Variants in SGMS1 observed in about 807,000 individuals in gnomAD.
The protein encoded by SGMS1 is phosphatidylcholine:ceramide cholinephosphotransferase 1.
Under a neutral mutation model 46.2 loss-of-function variants are expected in SGMS1, and 13 were observed. The ratio of observed to expected loss-of-function variants is 0.28; its 90% CI spans 0.18 to 0.45. The LOEUF (loss-of-function observed/expected upper bound fraction) is 0.45, where lower values mean the gene tolerates loss of function less well. Ranked by LOEUF, SGMS1 falls within the 20% of genes least tolerant of loss-of-function variation. SGMS1 has a pLI of 1.00. For synonymous variants in SGMS1, 203 were observed against 187.8 expected (o/e 1.08, Z -0.66); for missense variants, 324 against 519.9 (o/e 0.62, Z 3.66).
chr10:50,624,925 G>A (rs1042512737), upstream of SGMS1: 2 of 1,014,208 alleles, frequency 2.0e-6, no homozygotes, highest in Non-Finnish European at 1.2e-6. Flanking sequence ...CGTACCACGT[G>A]ACTGTCCGCG....
chr10:50,587,631 ATATGTGTGTGTG>A (rs980337894), intron 2 of SGMS1, among the ~76,000 whole-genome samples: 10 of 118,726 alleles, frequency 8.4e-5, no homozygotes, highest in South Asian at 5.9e-4. Context: ...CTCAAAATAT[ATATGTGTGTGTG>A]TGTGTGTGTG....
chr10:50,436,112 CT>C (rs904464496), intron 5 of SGMS1, among the ~76,000 whole-genome samples: 7 of 149,972 alleles, frequency 4.7e-5, no homozygotes, highest in East Asian at 1.9e-4. Flanking sequence ...CAACAACCAA[CT>C]TTTTTTTTTG....
At chr10:50,377,505 A>T (rs763055150) in intron 6 of SGMS1, among the ~76,000 whole-genome samples, 1 of 152,214 alleles carries the variant, frequency 6.6e-6, no homozygotes, top group Non-Finnish European at 1.5e-5. Context: ...TGTTTTCATC[A>T]TGTCTTCTAA....
chr10:50,481,025 A>C (rs970140134), intron 3 of SGMS1, among the ~76,000 whole-genome samples: 13 of 152,218 alleles, frequency 8.5e-5, no homozygotes, highest in African/African-American at 2.9e-4. Context: ...CCTGGGAAGG[A>C]GCCCCCATGG....
intron 3 of SGMS1, among the ~76,000 whole-genome samples, chr10:50,502,111 G>A (rs762659972): frequency 2.0e-5 from 3 of 151,996 alleles, no homozygotes; most frequent in Non-Finnish European, 2.9e-5. Flanking sequence ...GGAACTGAGT[G>A]CCCAGGCCCC....
chr10:50,462,585 A>C (rs1488500843), intron 4 of SGMS1, among the ~76,000 whole-genome samples: 1 of 152,256 alleles, frequency 6.6e-6, no homozygotes, highest in Non-Finnish European at 1.5e-5. Context: ...GTTGGATGTC[A>C]CAATAGGAAA....
intron 6 of SGMS1, among the ~76,000 whole-genome samples, chr10:50,365,783 T>C (rs571458398): frequency 8.5e-5 from 13 of 152,374 alleles, no homozygotes; most frequent in South Asian, 2.1e-4. Flanking sequence ...TATGGCTGCA[T>C]AGTATTCCAT....
At chr10:50,327,440 C>A in intron 7 of SGMS1, 118 bp from the exon 8 acceptor site, 1 of 676,634 alleles carries the variant, frequency 1.5e-6, no homozygotes, top group Non-Finnish European at 2.6e-6. Context: ...GAACTTGAAA[C>A]CAGAATGTTG....
chr10:50,307,963 C>A lies in SGMS1; in HGVS notation c.1062+19G>T. 1 of 1,612,756 alleles carries A rather than the reference C, an allele frequency of 6.2e-7. No individual in the cohort carries two copies. Among genetic ancestry groups the A allele is most frequent in the South Asian group, 1.1e-5 (1 of 90,816 alleles). On this transcript the variant is annotated intron_variant, in intron 10 of 10. Coordinates refer to ENST00000361781, the MANE Select transcript of SGMS1 (RefSeq NM_147156.4). The surrounding 1 kb of genome is among the most constrained non-coding windows in gnomAD (Gnocchi z 4.2). ...AGCCAGAAACAACAGAAGCTAAAAT[C>A]AAAAGCGGGGAAACTCACTTGCTGA...
At chr10:50,522,662 T>C (rs1051459731) in intron 2 of SGMS1, among the ~76,000 whole-genome samples, 7 of 152,174 alleles carry the variant, frequency 4.6e-5, no homozygotes, top group African/African-American at 1.7e-4. Flanking sequence ...ATTTCACTTA[T>C]GTCCTTAGTC....
chr10:50,365,190 T>C (rs989995425), intron 6 of SGMS1, among the ~76,000 whole-genome samples: 1 of 144,224 alleles, frequency 6.9e-6, no homozygotes, highest in Non-Finnish European at 1.5e-5. Flanking sequence ...GAGGTGGAGA[T>C]TGCAGTGAGC....
At chr10:50,384,583 G>T (rs949883521) in intron 6 of SGMS1, among the ~76,000 whole-genome samples, 3 of 151,860 alleles carry the variant, frequency 2.0e-5, no homozygotes, top group Non-Finnish European at 2.9e-5. Flanking sequence ...GAGTGTTGGG[G>T]ACTACAGGTG....
At chr10:50,405,145 C>T (rs772045383) in intron 6 of SGMS1, among the ~76,000 whole-genome samples, 157 of 151,972 alleles carry the variant, frequency 1.0e-3, no homozygotes, top group South Asian at 4.2e-4. Flanking sequence ...TGTATACTAA[C>T]GATGTACATG....
chr10:50,622,468 A>G (rs1051773865), intron 1 of SGMS1, among the ~76,000 whole-genome samples: 1 of 152,186 alleles, frequency 6.6e-6, no homozygotes, highest in African/African-American at 2.4e-5. Context: ...CGCCACTTCC[A>G]CATCCAGGGA....
At chr10:50,337,521 A>C (rs1433952019) in intron 7 of SGMS1, among the ~76,000 whole-genome samples, 1 of 152,228 alleles carries the variant, frequency 6.6e-6, no homozygotes, top group Non-Finnish European at 1.5e-5. Context: ...AAGACATAAA[A>C]AAAGGGAAAA....
chr10:50,532,225 CTGTGTGTGTGTGTG>C (rs71029313), intron 2 of SGMS1, among the ~76,000 whole-genome samples: 6,238 of 130,572 alleles, frequency 0.048, 367 homozygotes, highest in African/African-American at 0.15. Flanking sequence ...CTGAATGAGA[CTGTGTGTGTGTGTG>C]TGTGTGTGTG....
chr10:50,566,915 TTTTTG>T (rs1031702316), intron 2 of SGMS1, among the ~76,000 whole-genome samples: 8 of 152,176 alleles, frequency 5.3e-5, no homozygotes, highest in East Asian at 1.9e-4. Flanking sequence ...GTTATACTGG[TTTTTG>T]TTTTGTTTTG....
intron 8 of SGMS1, among the ~76,000 whole-genome samples, chr10:50,317,856 T>G (rs1013572685): frequency 6.7e-6 from 1 of 149,088 alleles, no homozygotes; most frequent in African/African-American, 2.5e-5. Context: ...CCGGCTGGAG[T>G]GCAATGGCAC....
intron 6 of SGMS1, among the ~76,000 whole-genome samples, chr10:50,382,083 T>C (rs1046839356): frequency 1.3e-5 from 2 of 152,222 alleles, no homozygotes; most frequent in African/African-American, 4.8e-5. Flanking sequence ...GGTTAGAGTA[T>C]ATCTTGATAT....
Sources: gnomAD v4.1 joint callset for allele counts (sites outside exome capture counted in the v4.1 genomes callset) on GRCh38, gnomAD v4.1.1 for gene constraint, Gnocchi (gnomAD v3.1) non-coding constraint, MANE v1.5 for transcripts, NCBI Gene and HGNC (gene_info 2026-07-23, HGNC 2026-07-21) for gene names.